Variants in BAIAP2L1 observed in about 807,000 individuals in gnomAD.
BAIAP2L1 encodes BAR/IMD domain-containing adapter protein 2-like 1.
BAIAP2L1 carries 35 observed loss-of-function variants against 66.3 expected under a neutral mutation model. That is an observed-to-expected ratio of 0.53 (90% CI 0.40 to 0.70). The LOEUF (loss-of-function observed/expected upper bound fraction) is 0.70. Among genes scored for constraint, BAIAP2L1 ranks in the 30% least tolerant of loss-of-function variants. The pLI is 0.00. For missense variants in BAIAP2L1, 622 were observed against 656.9 expected (o/e 0.95, Z 0.58); for synonymous variants, 269 against 248.7 (o/e 1.08, Z -0.77).
At position 98,356,644 on chromosome 7, in the gene BAIAP2L1, G is replaced by A. The variant is rs976029341; in HGVS notation, c.128-1516C>T. ...CCCAAGTAGCTGGGACTACAGGCAC[G>A]TGCCACCATTCCTGGCTAATTAAAA... On this transcript the variant is annotated intron_variant, in intron 2 of 13. Transcript: ENST00000005260. Among the ~76,000 whole-genome samples the A allele has an allele frequency of 1.1e-4, 15 of 137,870 alleles. No homozygotes were observed. In the East Asian group the frequency reaches 3.2e-3, roughly 29 times the overall value. 90.4% of individuals were successfully genotyped at this position (137,870 alleles called of 152,430 possible). A position where few individuals can be genotyped will look rare whatever the true frequency, so the allele number is the denominator to read the frequency against.
chr7:98,319,382 G>A (rs1027088660), intron 5 of BAIAP2L1, among the ~76,000 whole-genome samples: 6 of 152,182 alleles, frequency 3.9e-5, no homozygotes, highest in African/African-American at 1.4e-4. Flanking sequence ...CCCGGACGGT[G>A]CTCTCCCGCA....
chr7:98,340,913 C>T (rs992315965), intron 3 of BAIAP2L1, among the ~76,000 whole-genome samples: 43 of 149,642 alleles, frequency 2.9e-4, no homozygotes, highest in Non-Finnish European at 2.7e-4. Context: ...CTCAGCCTCC[C>T]GAGTAGCTGG....
chr7:98,326,958 T>A, intron 3 of BAIAP2L1, among the ~76,000 whole-genome samples: 1 of 152,124 alleles, frequency 6.6e-6, no homozygotes, highest in East Asian at 1.9e-4. Context: ...GAGAGGAAGA[T>A]GAACACTGTG....
rs1468701359 is a variant in BAIAP2L1, at chr7:98,307,864, C to T, written c.988G>A (p.Val330Ile). 2 of 1,614,260 alleles carry T rather than the reference C, an allele frequency of 1.2e-6. No homozygotes were observed. Among genetic ancestry groups the T allele is most frequent in the East Asian group, 2.2e-5 (1 of 44,878 alleles). ...TSEDPSLQRS[V>I]SVATGLNMMK... is the part of the protein sequence containing the mutation. ...ATGTTCAGTCCCGTTGCAACCGAAA[C>T]TGATCGCTGTAAACTGGGATCTTCG... Residue 330 changes from valine (V) to isoleucine (I), a missense_variant, in exon 10 of 14, where the codon GTT (valine) becomes ATT (isoleucine). By Grantham distance (29) the Val-to-Ile change is conservative. Coordinates refer to ENST00000005260, the MANE Select transcript of BAIAP2L1 (RefSeq NM_018842.5).
intron 5 of BAIAP2L1, among the ~76,000 whole-genome samples, 156 bp from the exon 6 acceptor site, chr7:98,317,512 C>T (rs1271869925): frequency 4.0e-5 from 6 of 148,698 alleles, no homozygotes; most frequent in Non-Finnish European, 3.0e-5. Context: ...CACACCCACA[C>T]CAGTTCACAC....
At chr7:98,359,745 GTTTTTTTT>G (rs780836343) in intron 2 of BAIAP2L1, among the ~76,000 whole-genome samples, 3 of 109,056 alleles carry the variant, frequency 2.8e-5, no homozygotes, top group Non-Finnish European at 3.6e-5. Flanking sequence ...GTAGACCTGG[GTTTTTTTT>G]TTTTTTTTTT....
At chr7:98,308,653 A>G in intron 9 of BAIAP2L1, 1 of 229,494 alleles carries the variant, frequency 4.4e-6, no homozygotes, top group Non-Finnish European at 8.8e-6. Context: ...TCCAGGGGAA[A>G]AAAGGTAGAA....
intron 1 of BAIAP2L1, 43 bp from the exon 2 acceptor site, chr7:98,362,475 A>T (rs1179363006): frequency 1.3e-6 from 2 of 1,550,038 alleles, no homozygotes; most frequent in Non-Finnish European, 1.8e-6. Context: ...AATAAAAAAT[A>T]AACCAAGTCA....
At chr7:98,389,563 C>T (rs1219187156) in intron 1 of BAIAP2L1, among the ~76,000 whole-genome samples, 2 of 151,992 alleles carry the variant, frequency 1.3e-5, no homozygotes, top group African/African-American at 2.4e-5. Flanking sequence ...TCAGGTGATC[C>T]GCCCGTGTCA....
At chr7:98,313,101 C>CA (rs1271006650) in intron 7 of BAIAP2L1, among the ~76,000 whole-genome samples, 1 of 151,232 alleles carries the variant, frequency 6.6e-6, no homozygotes, top group South Asian at 2.1e-4. Context: ...AAGACCCCCT[C>CA]ACACCACCCC....
At chr7:98,352,827 G>A (rs1254427996) in intron 3 of BAIAP2L1, among the ~76,000 whole-genome samples, 1 of 152,118 alleles carries the variant, frequency 6.6e-6, no homozygotes, top group Non-Finnish European at 1.5e-5. Flanking sequence ...AAGGTGTGGA[G>A]CAGAAGTCTT....
chr7:98,376,263 G>A (rs1016456047), intron 1 of BAIAP2L1, among the ~76,000 whole-genome samples: 14 of 152,046 alleles, frequency 9.2e-5, no homozygotes, highest in African/African-American at 2.9e-4. Context: ...CAGCACTTTG[G>A]GGGGCTGAGG....
At chr7:98,385,999 A>G (rs1045920092) in intron 1 of BAIAP2L1, 10 of 1,439,786 alleles carry the variant, frequency 6.9e-6, no homozygotes, top group African/African-American at 1.4e-5. Flanking sequence ...AGCCTTTTCT[A>G]TGTCTTTTCC....
chr7:98,366,980 C>T (rs55718604), intron 1 of BAIAP2L1, among the ~76,000 whole-genome samples: 233 of 152,208 alleles, frequency 1.5e-3, no homozygotes, highest in African/African-American at 3.6e-3. Flanking sequence ...TAGCCCCAAA[C>T]TCTTGGGCTC....
Position 98,306,460 on chromosome 7 carries a change from G to C in BAIAP2L1, c.1220C>G (p.Ala407Gly). The change falls in exon 11 of 14, where the codon GCA (alanine) becomes GGA (glycine). Residue 407 changes from alanine (A) to glycine (G), a missense_variant. Physicochemically the swap from Ala to Gly is moderately conservative, Grantham distance 60. Coordinates refer to ENST00000005260, the MANE Select transcript of BAIAP2L1 (RefSeq NM_018842.5). ...CTACCTTGGCGTGGGCACGGTCACTGCTTCTGTCTCATTTTCTTCCAGCAA... is the reference window on the plus strand; with the variant it reads ...CTACCTTGGCGTGGGCACGGTCACTCCTTCTGTCTCATTTTCTTCCAGCAA... The part of the protein sequence containing the change: ...TKLLEENETE[A>G]VTVPTPSPTP... The C allele has an allele frequency of 6.2e-7, 1 of 1,614,168 alleles. No individual in the cohort carries two copies. The highest frequency in any genetic ancestry group is 8.5e-7 in the Non-Finnish European group (1 of 1,180,036).
At chr7:98,378,188 A>G (rs1035605829) in intron 1 of BAIAP2L1, among the ~76,000 whole-genome samples, 5 of 148,602 alleles carry the variant, frequency 3.4e-5, no homozygotes, top group African/African-American at 7.5e-5. Flanking sequence ...ACAAAAAAAA[A>G]AGTACCATAC....
chr7:98,343,697 C>T (rs1801802923), intron 3 of BAIAP2L1, among the ~76,000 whole-genome samples: 1 of 152,124 alleles, frequency 6.6e-6, no homozygotes, highest in Admixed American at 6.6e-5. Context: ...GATACCAAAT[C>T]CCTCACAAGA....
At chr7:98,392,426 G>A (rs1001177863) in intron 1 of BAIAP2L1, among the ~76,000 whole-genome samples, 2 of 152,168 alleles carry the variant, frequency 1.3e-5, no homozygotes, top group Non-Finnish European at 2.9e-5. Flanking sequence ...ATCATTTGGT[G>A]CATGCTTTCT....
At chr7:98,350,339 T>C (rs1384834585) in intron 3 of BAIAP2L1, among the ~76,000 whole-genome samples, 1 of 150,762 alleles carries the variant, frequency 6.6e-6, no homozygotes, top group Non-Finnish European at 1.5e-5. Context: ...GGTTACAAGA[T>C]ATCCAAAGGC....
Sources: gnomAD v4.1 joint callset for allele counts (sites outside exome capture counted in the v4.1 genomes callset) on GRCh38, gnomAD v4.1.1 for gene constraint, MANE v1.5 for transcripts, NCBI Gene and HGNC (gene_info 2026-07-23, HGNC 2026-07-21) for gene names.